Variants in SCAND3 observed in about 807,000 individuals in gnomAD.
The protein encoded by SCAND3 is SCAN domain containing 3.
At chr6:28,597,330 C>A in the SCAND3 span, among the ~76,000 whole-genome samples, 2 of 152,162 alleles carry the variant, frequency 1.3e-5, no homozygotes, top group African/African-American at 4.8e-5. Flanking sequence ...TAAATAAAAA[C>A]CTCCAGAAAC....
At chr6:28,592,666 T>C in the SCAND3 span, among the ~76,000 whole-genome samples, 3 of 152,184 alleles carry the variant, frequency 2.0e-5, no homozygotes, top group South Asian at 6.2e-4. The surrounding 1 kb of genome is among the most constrained non-coding windows in gnomAD (Gnocchi z 4.1). Context: ...ACATTCACTA[T>C]TTATATCTAT....
chr6:28,603,869 G>T, the SCAND3 span, among the ~76,000 whole-genome samples: 1 of 152,086 alleles, frequency 6.6e-6, no homozygotes, highest in African/African-American at 2.4e-5. Context: ...AGGTCAGCTG[G>T]GACTCGCTGC....
At chr6:28,609,271 A>G in the SCAND3 span, among the ~76,000 whole-genome samples, 1 of 152,224 alleles carries the variant, frequency 6.6e-6, no homozygotes, top group Non-Finnish European at 1.5e-5. Context: ...CCTCAAATGA[A>G]AAACTTACTA....
the SCAND3 span, among the ~76,000 whole-genome samples, chr6:28,615,755 G>C: frequency 6.6e-6 from 1 of 152,086 alleles, no homozygotes; most frequent in East Asian, 1.9e-4. Flanking sequence ...CCTTCTTCTC[G>C]TCCTTCTCAG....
chr6:28,597,139 G>A, the SCAND3 span, among the ~76,000 whole-genome samples: 1 of 152,162 alleles, frequency 6.6e-6, no homozygotes, highest in Non-Finnish European at 1.5e-5. Flanking sequence ...TAACTTACAA[G>A]TATGATCAAT....
the SCAND3 span, among the ~76,000 whole-genome samples, chr6:28,599,446 G>C: frequency 6.6e-6 from 1 of 152,206 alleles, no homozygotes; most frequent in Admixed American, 6.5e-5. Flanking sequence ...GATATGGTTT[G>C]GGTGTGTCCC....
chr6:28,579,469 G>C, the SCAND3 span: 1 of 1,511,554 alleles, frequency 6.6e-7, no homozygotes. This position sits in a 1 kb window ranked among gnomAD's most constrained non-coding sequence, Gnocchi z 4.5. Context: ...ATTGTAGTTT[G>C]TCATAGCTAA....
the SCAND3 span, chr6:28,575,538 C>T: frequency 6.2e-7 from 1 of 1,613,820 alleles, no homozygotes; most frequent in East Asian, 2.2e-5. This position sits in a 1 kb window ranked among gnomAD's most constrained non-coding sequence, Gnocchi z 4.2. Flanking sequence ...TAAATCTGTA[C>T]TCCCCATCAG....
At chr6:28,578,986 A>T in the SCAND3 span, among the ~76,000 whole-genome samples, 14 of 152,318 alleles carry the variant, frequency 9.2e-5, no homozygotes, top group South Asian at 2.1e-3. Flanking sequence ...CTACACTGAC[A>T]AGTGCTCAGT....
chr6:28,607,158 G>A, the SCAND3 span, among the ~76,000 whole-genome samples: 2 of 152,196 alleles, frequency 1.3e-5, no homozygotes, highest in Admixed American at 6.5e-5. Flanking sequence ...CTGTGGTTGG[G>A]GGTGTAGCTC....
the SCAND3 span, chr6:28,591,556 A>G: frequency 6.6e-6 from 1 of 152,072 alleles, no homozygotes; most frequent in African/African-American, 2.4e-5. Context: ...TCACCTCAAA[A>G]TCCTATCAAG....
At chr6:28,572,432 C>T in the SCAND3 span, 5 of 1,613,242 alleles carry the variant, frequency 3.1e-6, no homozygotes, top group South Asian at 5.5e-5. The surrounding 1 kb of genome is among the most constrained non-coding windows in gnomAD (Gnocchi z 4.1). Flanking sequence ...TGAAACATGT[C>T]ATAACAATCT....
chr6:28,606,085 CA>C, the SCAND3 span, among the ~76,000 whole-genome samples: 1 of 151,872 alleles, frequency 6.6e-6, no homozygotes, highest in African/African-American at 2.4e-5. Flanking sequence ...GTTAAATTTA[CA>C]AAAGTTCCTA....
the SCAND3 span, among the ~76,000 whole-genome samples, chr6:28,585,722 C>T: frequency 0.051 from 7,780 of 152,230 alleles, 334 homozygotes; most frequent in African/African-American, 0.12. Flanking sequence ...GCAATATCCA[C>T]AATGTTCTAA....
At chr6:28,576,189 G>T in the SCAND3 span, 2 of 1,407,782 alleles carry the variant, frequency 1.4e-6, no homozygotes, top group Non-Finnish European at 9.6e-7. Context: ...TAATTTAAAA[G>T]ACATATATTG....
the SCAND3 span, among the ~76,000 whole-genome samples, chr6:28,608,416 C>G: frequency 1.3e-5 from 2 of 152,104 alleles, no homozygotes; most frequent in African/African-American, 4.8e-5. Context: ...TTTGGGTACC[C>G]TACGGGTGGT....
chr6:28,573,182 G>C, the SCAND3 span: 18 of 1,613,616 alleles, frequency 1.1e-5, no homozygotes, highest in East Asian at 4.5e-5. Flanking sequence ...CATTCATCAA[G>C]TTGCAATGAA....
At chr6:28,602,818 T>A in the SCAND3 span, among the ~76,000 whole-genome samples, 2 of 152,148 alleles carry the variant, frequency 1.3e-5, no homozygotes, top group Non-Finnish European at 2.9e-5. Flanking sequence ...CTTGGAGTAT[T>A]GTTGCTTTAA....
the SCAND3 span, chr6:28,593,619 G>A: frequency 6.6e-6 from 1 of 152,392 alleles, no homozygotes; most frequent in South Asian, 2.1e-4. Context: ...AGATTGCAGT[G>A]AGCCGAGATC....
Sources: allele counts gnomAD v4.1 joint callset (sites outside exome capture counted in the v4.1 genomes callset), GRCh38; gene constraint gnomAD v4.1.1; non-coding constraint Gnocchi (gnomAD v3.1); transcripts MANE v1.5; gene names NCBI Gene and HGNC (gene_info 2026-07-23, HGNC 2026-07-21).